The following ATXN10 variants were observed in gnomAD, a reference collection of about 807,000 sequenced individuals.
The protein encoded by ATXN10 is ataxin 10, also known as ataxin-10.
ATXN10 carries 28 observed loss-of-function variants against 52.9 expected under a neutral mutation model. The ratio of observed to expected loss-of-function variants is 0.53; its 90% CI spans 0.39 to 0.73. The LOEUF is 0.73. ATXN10 is among the 30% of genes least tolerant of loss of function. The pLI, the probability that ATXN10 is intolerant of heterozygous loss-of-function variation, is 0.00. For missense variants in ATXN10, 565 were observed against 577.0 expected (o/e 0.98, Z 0.21); for synonymous variants, 226 against 221.5 (o/e 1.02, Z -0.18).
chr22:45,755,439 G>A (rs1052880225), intron 9 of ATXN10, among the ~76,000 whole-genome samples: 2 of 152,114 alleles, frequency 1.3e-5, no homozygotes, highest in African/African-American at 4.8e-5. Flanking sequence ...AGCAAGAAGA[G>A]GTGTGAAGGT....
intron 9 of ATXN10, among the ~76,000 whole-genome samples, chr22:45,796,779 G>T (rs1320058654): frequency 1.3e-5 from 2 of 152,170 alleles, no homozygotes; most frequent in South Asian, 2.1e-4. Flanking sequence ...GATTACAGGC[G>T]TGAGCCACTG....
chr22:45,764,063 C>T (rs998213874), intron 9 of ATXN10, among the ~76,000 whole-genome samples: 1 of 152,250 alleles, frequency 6.6e-6, no homozygotes, highest in African/African-American at 2.4e-5. Context: ...GATCCTGCAG[C>T]GTGTGCTTGA....
rs1171719733 is a variant in ATXN10, at chr22:45,823,514, C to T, written c.1237+16492C>T. 1.3e-5 allele frequency among the ~76,000 whole-genome samples: 2 copies of T among 152,194 alleles called. No individual in the cohort carries two copies. The highest frequency in any genetic ancestry group is 1.9e-4 in the East Asian group (1 of 5,178). On this transcript the variant is annotated intron_variant, in intron 10 of 11. Coordinates refer to ENST00000252934, the MANE Select transcript of ATXN10 (RefSeq NM_013236.4). This position sits in a 1 kb window ranked among gnomAD's most constrained non-coding sequence, Gnocchi z 4.9. ...CATTTCACCCTTGGCTCTGCAGGAC[C>T]GCCTTGTCATAAATCATTGTCCTAC...
At chr22:45,807,406 C>T (rs1294279135) in intron 10 of ATXN10, among the ~76,000 whole-genome samples, 1 of 152,134 alleles carries the variant, frequency 6.6e-6, no homozygotes, top group Non-Finnish European at 1.5e-5. Flanking sequence ...ATTCTGAGTA[C>T]CCAGTCTTTT....
At position 45,766,935 on chromosome 22, in the gene ATXN10, C is replaced by T. The variant is rs1198028308; in HGVS notation, c.1173+26397C>T. Among the ~76,000 whole-genome samples the T allele has an allele frequency of 6.6e-6, 1 of 152,176 alleles. No homozygotes were observed. Among genetic ancestry groups the T allele is most frequent in the Non-Finnish European group, 1.5e-5 (1 of 68,030 alleles). ...CATAAAAAGAAAAATGCACATTAAA[C>T]TACTCACTGAGATACCATTTTTCAC... On this transcript the variant is annotated intron_variant, in intron 9 of 11. Transcript: ENST00000252934. This position sits in a 1 kb window ranked among gnomAD's most constrained non-coding sequence, Gnocchi z 4.6.
intron 9 of ATXN10, among the ~76,000 whole-genome samples, chr22:45,788,547 G>C (rs11090656): frequency 0.16 from 24,025 of 151,558 alleles, 2,116 homozygotes; most frequent in Middle Eastern, 0.21. Flanking sequence ...TCCTCACTGG[G>C]CTTCTTCGTG....
At chr22:45,734,012 T>C (rs1925190483) in intron 7 of ATXN10, among the ~76,000 whole-genome samples, 1 of 152,156 alleles carries the variant, frequency 6.6e-6, no homozygotes, top group African/African-American at 2.4e-5. Context: ...AATATTTAAC[T>C]ATATAGACTC....
At chr22:45,751,763 A>AAATAAT (rs1165303275) in intron 9 of ATXN10, among the ~76,000 whole-genome samples, 145 of 65,664 alleles carry the variant, frequency 2.2e-3, no homozygotes, top group Non-Finnish European at 3.6e-3. Context: ...AATAAAAAAA[A>AAATAAT]AATAATAATA....
rs374576400 is a variant in ATXN10, at chr22:45,821,659, A to T, written c.1237+14637A>T. On this transcript the variant is annotated intron_variant, in intron 10 of 11. Coordinates refer to ENST00000252934, the MANE Select transcript of ATXN10 (RefSeq NM_013236.4). ...CTTATTTCATTGAGGTATAACTTAC[A>T]TATAGTAAACTGCAAGTTTTAAGTA... Among the ~76,000 whole-genome samples the T allele has an allele frequency of 3.9e-5, 6 of 152,316 alleles. No homozygotes were observed. The East Asian group carries it at 9.6e-4, about 24-fold the overall frequency.
At chr22:45,689,012 C>T (rs747405492) in intron 1 of ATXN10, among the ~76,000 whole-genome samples, 1 of 152,008 alleles carries the variant, frequency 6.6e-6, no homozygotes. Flanking sequence ...GAGGGTACAA[C>T]CACAGGTTCA....
At position 45,824,928 on chromosome 22, in the gene ATXN10, T is replaced by A. The variant is rs1372946258; in HGVS notation, c.1237+17906T>A. Among the ~76,000 whole-genome samples the A allele has an allele frequency of 6.6e-6, 1 of 152,190 alleles. No homozygotes were observed. The highest frequency in any genetic ancestry group is 6.5e-5 in the Admixed American group (1 of 15,288). On this transcript the variant is annotated intron_variant, in intron 10 of 11. Transcript: ENST00000252934. This position sits in a 1 kb window ranked among gnomAD's most constrained non-coding sequence, Gnocchi z 5.2. ...ATTTGTACTGAATCTGATGTAACTG[T>A]TTTGGTACGCTGAAGTCCACTGAAG... is the stretch of plus-strand genomic sequence containing the variant.
chr22:45,696,974 G>C lies in ATXN10; in HGVS notation c.392-3308G>C, dbSNP rs1208060601. Reference sequence around the variant, plus strand: ...CTTACAGACCTGTTACATGTTAGCTGTATTAAATGTTGTTCTTAATTTAGG... The same window carrying C: ...CTTACAGACCTGTTACATGTTAGCTCTATTAAATGTTGTTCTTAATTTAGG... On this transcript the variant is annotated intron_variant, in intron 3 of 11. Transcript: ENST00000252934. This position sits in a 1 kb window ranked among gnomAD's most constrained non-coding sequence, Gnocchi z 4.7. 6.6e-6 allele frequency among the ~76,000 whole-genome samples: 1 copy of C among 152,122 alleles called. No homozygotes were observed. The highest frequency in any genetic ancestry group is 2.4e-5 in the African/African-American group (1 of 41,402).
chr22:45,794,621 G>C (rs1927643650), intron 9 of ATXN10, among the ~76,000 whole-genome samples: 1 of 152,066 alleles, frequency 6.6e-6, no homozygotes, highest in African/African-American at 2.4e-5. Flanking sequence ...AGATAAAAAT[G>C]ATAACAGGCT....
chr22:45,702,423 T>G (rs1213023430), intron 4 of ATXN10, among the ~76,000 whole-genome samples: 1 of 152,240 alleles, frequency 6.6e-6, no homozygotes, highest in Non-Finnish European at 1.5e-5. Flanking sequence ...GTAATCATTC[T>G]AATCTTTTTC....
At chr22:45,798,928 G>T (rs1257125614) in intron 9 of ATXN10, among the ~76,000 whole-genome samples, 3 of 152,114 alleles carry the variant, frequency 2.0e-5, no homozygotes, top group African/African-American at 7.2e-5. Context: ...CGAAATATGT[G>T]CAAGACCTAT....
Position 45,833,829 on chromosome 22 carries a change from G to A in ATXN10, c.1238-9162G>A, listed in dbSNP as rs1052881540. Among the ~76,000 whole-genome samples, 1 of 152,150 alleles carries A rather than the reference G, an allele frequency of 6.6e-6. No individual in the cohort carries two copies. The highest frequency in any genetic ancestry group is 2.4e-5 in the African/African-American group (1 of 41,428). ...CTGCCCTCCAGAGGTCTCTCTGGAT[G>A]GACTGGTCGCGAGAGCACACTTAGC... On this transcript the variant is annotated intron_variant, in intron 10 of 11. Coordinates refer to ENST00000252934, the MANE Select transcript of ATXN10 (RefSeq NM_013236.4). The surrounding 1 kb of genome is among the most constrained non-coding windows in gnomAD (Gnocchi z 4.3).
At chr22:45,804,344 C>T (rs1345519656) in intron 9 of ATXN10, among the ~76,000 whole-genome samples, 1 of 152,228 alleles carries the variant, frequency 6.6e-6, no homozygotes, top group African/African-American at 2.4e-5. Flanking sequence ...TAGTATATGC[C>T]AGGTGTCTAC....
rs1470831592 is a variant in ATXN10, at chr22:45,781,960, C to G, written c.1174-24999C>G. On this transcript the variant is annotated intron_variant, in intron 9 of 11. Coordinates refer to ENST00000252934, the MANE Select transcript of ATXN10 (RefSeq NM_013236.4). This position sits in a 1 kb window ranked among gnomAD's most constrained non-coding sequence, Gnocchi z 4.2. ...AAATAGACTGTACAAAAAAGTTAAC[C>G]AAGCTTCAGGGATATGTGGGACTTT... Among the ~76,000 whole-genome samples, 1 of 152,112 alleles carries G rather than the reference C, an allele frequency of 6.6e-6. No homozygotes were observed. Among genetic ancestry groups the G allele is most frequent in the Non-Finnish European group, 1.5e-5 (1 of 68,018 alleles).
chr22:45,747,587 C>G (rs181773521), intron 9 of ATXN10, among the ~76,000 whole-genome samples: 27 of 152,218 alleles, frequency 1.8e-4, no homozygotes, highest in Admixed American at 1.7e-3. Flanking sequence ...AACATTGGAT[C>G]CACGTGTGTG....
Sources: gnomAD v4.1 joint callset for allele counts (sites outside exome capture counted in the v4.1 genomes callset) on GRCh38, gnomAD v4.1.1 for gene constraint, Gnocchi (gnomAD v3.1) non-coding constraint, MANE v1.5 for transcripts, NCBI Gene and HGNC (gene_info 2026-07-23, HGNC 2026-07-21) for gene names.